EXOC6B: variants seen among roughly 807,000 people sequenced by gnomAD.
EXOC6B encodes the protein SEC15 homolog B.
Under a neutral mutation model 113.5 loss-of-function variants are expected in EXOC6B, and 54 were observed. That is an observed-to-expected ratio of 0.48 (90% CI 0.38 to 0.60). The LOEUF (loss-of-function observed/expected upper bound fraction) is 0.60, where lower values mean the gene tolerates loss of function less well. EXOC6B is among the 20% of genes least tolerant of loss of function. The probability of loss-of-function intolerance (pLI) is 0.00; values close to 1 mark genes in which losing one functional copy is unlikely to be tolerated. For missense variants in EXOC6B, 797 were observed against 977.5 expected (o/e 0.82, Z 2.46); for synonymous variants, 357 against 339.0 (o/e 1.05, Z -0.58).
At chr2:72,228,206 C>A (rs1165887953) in intron 20 of EXOC6B, among the ~76,000 whole-genome samples, 1 of 152,086 alleles carries the variant, frequency 6.6e-6, no homozygotes, top group Non-Finnish European at 1.5e-5. Flanking sequence ...TGATAATGCA[C>A]CTTATGTCCA....
intron 19 of EXOC6B, among the ~76,000 whole-genome samples, chr2:72,373,918 C>T (rs910857717): frequency 1.8e-4 from 27 of 151,980 alleles, no homozygotes; most frequent in Admixed American, 1.2e-3. Flanking sequence ...GTCTGGAGTT[C>T]GAGACCAACC....
intron 6 of EXOC6B, among the ~76,000 whole-genome samples, chr2:72,641,630 A>G (rs1386390030): frequency 6.6e-6 from 1 of 152,236 alleles, no homozygotes; most frequent in South Asian, 2.1e-4. Flanking sequence ...CACCTCTGGG[A>G]GCAGGGCATA....
chr2:72,732,486 A>G (rs1056177657), intron 3 of EXOC6B, among the ~76,000 whole-genome samples: 1 of 152,156 alleles, frequency 6.6e-6, no homozygotes, highest in African/African-American at 2.4e-5. Flanking sequence ...TTTTAAATAA[A>G]TATTTGTTGA....
At chr2:72,507,285 A>G (rs1700644220) in intron 11 of EXOC6B, among the ~76,000 whole-genome samples, 1 of 152,130 alleles carries the variant, frequency 6.6e-6, no homozygotes, top group Non-Finnish European at 1.5e-5. Context: ...GTGTCATGAA[A>G]TACAGTGAGC....
At position 72,179,292 on chromosome 2, in the gene EXOC6B, C is replaced by T. The variant is rs1489998544; in HGVS notation, c.*43G>A. Reference sequence around the variant, plus strand: ...GCTGGGGCTGGACCCCAGACTGACACAGAGGCTGCAGCAGGTCGCCTCTGT... The same window carrying T: ...GCTGGGGCTGGACCCCAGACTGACATAGAGGCTGCAGCAGGTCGCCTCTGT... On this transcript the variant is annotated 3_prime_UTR_variant, in exon 22 of 22. Transcript: ENST00000272427. The T allele has an allele frequency of 6.5e-7, 1 of 1,535,132 alleles. No individual in the cohort carries two copies. Among genetic ancestry groups the T allele is most frequent in the Non-Finnish European group, 8.8e-7 (1 of 1,141,014 alleles).
intron 6 of EXOC6B, among the ~76,000 whole-genome samples, chr2:72,600,634 G>A (rs376401294): frequency 6.6e-6 from 1 of 151,984 alleles, no homozygotes; most frequent in African/African-American, 2.4e-5. Context: ...ATAGATGATG[G>A]AACAGCCGGA....
intron 18 of EXOC6B, among the ~76,000 whole-genome samples, chr2:72,453,538 A>G (rs1269636007): frequency 6.6e-6 from 1 of 152,138 alleles, no homozygotes. Context: ...GTCTTATAAA[A>G]CTTTCATTTT....
intron 20 of EXOC6B, among the ~76,000 whole-genome samples, chr2:72,193,453 T>C (rs1424229371): frequency 6.6e-6 from 1 of 152,152 alleles, no homozygotes; most frequent in Admixed American, 6.5e-5. Context: ...TCTGGGCAAA[T>C]GTAGAAAATG....
chr2:72,773,537 A>G (rs1683529108), intron 1 of EXOC6B, among the ~76,000 whole-genome samples: 2 of 152,046 alleles, frequency 1.3e-5, no homozygotes, highest in Admixed American at 1.3e-4. Flanking sequence ...TATATATATC[A>G]AAACATCTCA....
At chr2:72,404,054 G>A (rs941154198) in intron 18 of EXOC6B, among the ~76,000 whole-genome samples, 1 of 152,354 alleles carries the variant, frequency 6.6e-6, no homozygotes, top group South Asian at 2.1e-4. Context: ...GGCACACCAG[G>A]AGATTATATC....
chr2:72,395,790 C>T (rs1172459346), intron 18 of EXOC6B, among the ~76,000 whole-genome samples: 1 of 152,082 alleles, frequency 6.6e-6, no homozygotes, highest in East Asian at 1.9e-4. Flanking sequence ...TAGTGAAATG[C>T]AGATAACGTC....
At chr2:72,249,851 T>G (rs1382537174) in intron 20 of EXOC6B, among the ~76,000 whole-genome samples, 3 of 152,216 alleles carry the variant, frequency 2.0e-5, no homozygotes, top group Non-Finnish European at 4.4e-5. Context: ...TGCATGAAAT[T>G]GCTGTTTTTA....
At chr2:72,585,894 T>C (rs183445851) in intron 6 of EXOC6B, among the ~76,000 whole-genome samples, 62 of 152,138 alleles carry the variant, frequency 4.1e-4, no homozygotes, top group Non-Finnish European at 7.6e-4. Flanking sequence ...CTGGTACCAA[T>C]TCAACTGACA....
intron 19 of EXOC6B, among the ~76,000 whole-genome samples, chr2:72,360,097 T>C (rs1208104892): frequency 6.6e-6 from 1 of 152,112 alleles, no homozygotes; most frequent in Admixed American, 6.5e-5. Flanking sequence ...CAGATACTTT[T>C]TTTTTTTTCA....
intron 18 of EXOC6B, among the ~76,000 whole-genome samples, chr2:72,441,439 G>A (rs1023598821): frequency 6.7e-6 from 1 of 149,612 alleles, no homozygotes; most frequent in South Asian, 2.1e-4. Context: ...CCATTCAAAA[G>A]ATCAACAAAT....
chr2:72,664,417 T>C (rs1192044320), intron 6 of EXOC6B, among the ~76,000 whole-genome samples: 1 of 152,026 alleles, frequency 6.6e-6, no homozygotes, highest in East Asian at 1.9e-4. Context: ...GGAGTGACAT[T>C]GAGGGTGGGA....
chr2:72,249,228 T>C (rs1298612425), intron 20 of EXOC6B, among the ~76,000 whole-genome samples: 1 of 152,216 alleles, frequency 6.6e-6, no homozygotes, highest in Admixed American at 6.5e-5. Context: ...ATCATACCAC[T>C]TATACTCCAG....
intron 6 of EXOC6B, among the ~76,000 whole-genome samples, chr2:72,684,930 T>A (rs1221257925): frequency 6.6e-6 from 1 of 152,110 alleles, no homozygotes; most frequent in African/African-American, 2.4e-5. Context: ...AGGTTAAGCA[T>A]TTGTCAAAAA....
At chr2:72,428,291 TG>T (rs1450441652) in intron 18 of EXOC6B, among the ~76,000 whole-genome samples, 1 of 152,190 alleles carries the variant, frequency 6.6e-6, no homozygotes, top group Admixed American at 6.5e-5. Flanking sequence ...CTGTGGCCCT[TG>T]GGGGAACCCA....
Sources: gnomAD v4.1 joint callset for allele counts (sites outside exome capture counted in the v4.1 genomes callset) on GRCh38, gnomAD v4.1.1 for gene constraint, MANE v1.5 for transcripts, NCBI Gene and HGNC (gene_info 2026-07-23, HGNC 2026-07-21) for gene names.